The following AGBL1 variants were observed in gnomAD, a reference collection of about 807,000 sequenced individuals.
AGBL1 encodes AGBL carboxypeptidase 1.
In AGBL1, 130 loss-of-function variants were observed where a neutral mutation model predicts 118.9. The observed-to-expected ratio is 1.09, with a 90% CI of 0.95 to 1.26. The LOEUF (loss-of-function observed/expected upper bound fraction) is 1.26. Ranked by LOEUF, AGBL1 falls within the 50% of genes most tolerant of loss-of-function variation. The pLI is 0.00. For missense variants in AGBL1, 1,584 were observed against 1,298.1 expected (o/e 1.22, Z -3.38); for synonymous variants, 555 against 478.9 (o/e 1.16, Z -2.08).
At chr15:86,686,372 A>G (rs1240527430) in intron 22 of AGBL1, among the ~76,000 whole-genome samples, 1 of 152,068 alleles carries the variant, frequency 6.6e-6, no homozygotes, top group Non-Finnish European at 1.5e-5. Context: ...TATCCCCATC[A>G]GAAAAATAGG....
intron 21 of AGBL1, among the ~76,000 whole-genome samples, chr15:86,650,625 C>T (rs144696540): frequency 1.3e-5 from 2 of 152,068 alleles, no homozygotes; most frequent in African/African-American, 4.8e-5. Flanking sequence ...AATAAAAAGG[C>T]ATTACTTTAA....
intron 24 of AGBL1, among the ~76,000 whole-genome samples, chr15:87,006,588 G>A (rs2081506962): frequency 6.6e-6 from 1 of 152,204 alleles, no homozygotes; most frequent in South Asian, 2.1e-4. Context: ...GGTGTCATCT[G>A]TCACAGCTTT....
chr15:86,609,427 G>A (rs77718179), intron 21 of AGBL1, among the ~76,000 whole-genome samples: 1 of 152,160 alleles, frequency 6.6e-6, no homozygotes, highest in African/African-American at 2.4e-5. Context: ...CTGGTGCCTG[G>A]GCTGATGCAC....
chr15:86,655,384 C>A (rs976371993), intron 21 of AGBL1, among the ~76,000 whole-genome samples: 1 of 152,094 alleles, frequency 6.6e-6, no homozygotes. Context: ...GCAATGATGT[C>A]CTAACTAGTA....
chr15:86,608,276 G>T (rs2084608627), intron 21 of AGBL1, among the ~76,000 whole-genome samples: 2 of 152,122 alleles, frequency 1.3e-5, no homozygotes, highest in Non-Finnish European at 1.5e-5. Context: ...TACTATGTTA[G>T]GGCAAGACTT....
chr15:86,489,014 C>G (rs557568846), intron 18 of AGBL1, among the ~76,000 whole-genome samples: 29 of 152,078 alleles, frequency 1.9e-4, no homozygotes, highest in Non-Finnish European at 3.4e-4. Context: ...GTTCCCTTAT[C>G]CTGAGGTACT....
chr15:86,880,457 G>C (rs953630355), intron 22 of AGBL1, among the ~76,000 whole-genome samples: 12 of 152,176 alleles, frequency 7.9e-5, no homozygotes, highest in Non-Finnish European at 1.5e-4. Flanking sequence ...ATGTCAGGAG[G>C]GCCAAGGAAG....
At chr15:86,489,839 T>C (rs1468612972) in intron 18 of AGBL1, among the ~76,000 whole-genome samples, 1 of 152,138 alleles carries the variant, frequency 6.6e-6, no homozygotes, top group East Asian at 1.9e-4. Context: ...CTTTTTAGGA[T>C]GCCAAGAAAG....
chr15:86,781,472 G>C (rs1342095427), intron 22 of AGBL1, among the ~76,000 whole-genome samples: 1 of 152,264 alleles, frequency 6.6e-6, no homozygotes, highest in East Asian at 1.9e-4. Flanking sequence ...CTGAGTGCAT[G>C]ACCCATGACA....
In AGBL1 at chr15:86,907,855, A is replaced by G. The variant is rs1456989909; in HGVS notation, c.*561A>G. On this transcript the variant is annotated 3_prime_UTR_variant, in exon 23 of 23. Coordinates refer to ENST00000614907, the MANE Select transcript of AGBL1 (RefSeq NM_001386094.1). ...GTGCATCCAAGTAATTGCAGGTTTC[A>G]TCTGTGATCTTCTCAAGCAGCATAT... The G allele has an allele frequency of 6.6e-6, 1 of 152,200 alleles. No homozygotes were observed. The highest frequency in any genetic ancestry group is 2.1e-4 in the South Asian group (1 of 4,822). 9.4% of individuals were successfully genotyped at this position (152,200 alleles called of 1,614,324 possible).
At chr15:86,304,137 A>C (rs2079799296) in intron 17 of AGBL1, among the ~76,000 whole-genome samples, 1 of 152,300 alleles carries the variant, frequency 6.6e-6, no homozygotes, top group South Asian at 2.1e-4. Context: ...ATGGTCATTT[A>C]AACACTAATA....
chr15:86,281,440 G>C lies in AGBL1; in HGVS notation c.2220+1657G>C, dbSNP rs543861403. Among the ~76,000 whole-genome samples, 14 of 152,274 alleles carry C rather than the reference G, an allele frequency of 9.2e-5. No homozygotes were observed. In the East Asian group the frequency reaches 2.5e-3, roughly 27 times the overall value. On this transcript the variant is annotated intron_variant, in intron 16 of 22. Transcript: ENST00000614907. Reference sequence around the variant, plus strand: ...AAAAAAAAAGTCTGCTAGGGATGGGGATTCCTTTTAAAATACGTGTTATGT... The same window carrying C: ...AAAAAAAAAGTCTGCTAGGGATGGGCATTCCTTTTAAAATACGTGTTATGT...
chr15:86,415,988 C>A (rs1471638909), intron 18 of AGBL1, among the ~76,000 whole-genome samples: 1 of 152,002 alleles, frequency 6.6e-6, no homozygotes, highest in Non-Finnish European at 1.5e-5. Flanking sequence ...TTTTTCACAG[C>A]TTTTTCTTAG....
chr15:86,735,474 CATAT>C (rs987071416), intron 22 of AGBL1, among the ~76,000 whole-genome samples: 2 of 151,918 alleles, frequency 1.3e-5, no homozygotes, highest in Admixed American at 6.6e-5. Flanking sequence ...AAAATGCACA[CATAT>C]ATATTGAAGA....
intron 22 of AGBL1, among the ~76,000 whole-genome samples, chr15:86,831,186 C>T (rs960946631): frequency 7.2e-5 from 11 of 152,142 alleles, no homozygotes; most frequent in African/African-American, 2.4e-4. Flanking sequence ...CCTCCCATGA[C>T]ACATGAGGAT....
At chr15:86,238,129 C>T (rs990224715) in intron 6 of AGBL1, among the ~76,000 whole-genome samples, 4 of 152,178 alleles carry the variant, frequency 2.6e-5, no homozygotes, top group Non-Finnish European at 4.4e-5. Flanking sequence ...CACTCTAGTG[C>T]CACTGTTTTG....
At chr15:86,980,709 G>C in intron 23 of AGBL1, among the ~76,000 whole-genome samples, 1 of 151,910 alleles carries the variant, frequency 6.6e-6, no homozygotes, top group East Asian at 1.9e-4. Flanking sequence ...ATAGAGTCTT[G>C]CATCATGTTT....
At position 86,909,857 on chromosome 15, in the gene AGBL1, TAAAA is replaced by T. The variant is rs1314679633; in HGVS notation, c.*2566_*2569del. 1 of 152,210 alleles carries T rather than the reference TAAAA, an allele frequency of 6.6e-6. No individual in the cohort carries two copies. Among genetic ancestry groups the T allele is most frequent in the Non-Finnish European group, 1.5e-5 (1 of 68,028 alleles). 9.4% of individuals were successfully genotyped at this position (152,210 alleles called of 1,614,324 possible). A position where few individuals can be genotyped will look rare whatever the true frequency, so the allele number is the denominator to read the frequency against. ...GCTTCTGGTCATGAGGCATGTTTCT[TAAAA>T]AACGTGACCATGACAGATAAGTTTT... On this transcript the variant is annotated 3_prime_UTR_variant, in exon 23 of 23. Coordinates refer to ENST00000614907, the MANE Select transcript of AGBL1 (RefSeq NM_001386094.1).
chr15:86,406,772 A>G (rs1307464327), intron 18 of AGBL1, among the ~76,000 whole-genome samples: 1 of 152,232 alleles, frequency 6.6e-6, no homozygotes, highest in East Asian at 1.9e-4. Flanking sequence ...AGTATAATTT[A>G]TAAACTAACC....
Sources: gnomAD v4.1 joint callset for allele counts (sites outside exome capture counted in the v4.1 genomes callset) on GRCh38, gnomAD v4.1.1 for gene constraint, MANE v1.5 for transcripts, NCBI Gene and HGNC (gene_info 2026-07-23, HGNC 2026-07-21) for gene names.